FER1L5: variants seen among roughly 807,000 people sequenced by gnomAD.
FER1L5 encodes fer-1-like protein 5.
A neutral mutation model predicts 279.9 loss-of-function variants in FER1L5; 187 were observed. The ratio of observed to expected loss-of-function variants is 0.67; its 90% CI spans 0.59 to 0.75. The LOEUF is 0.75. FER1L5 is among the 30% of genes least tolerant of loss of function. The pLI, the probability that FER1L5 is intolerant of heterozygous loss-of-function variation, is 0.00. For missense variants in FER1L5, 2,091 were observed against 2,594.4 expected (o/e 0.81, Z 4.21); for synonymous variants, 921 against 989.7 (o/e 0.93, Z 1.30).
chr2:96,647,092 C>T lies in FER1L5; in HGVS notation c.167C>T (p.Pro56Leu), dbSNP rs1295240278. 6.4e-7 allele frequency: 1 copy of T among 1,551,648 alleles called. No individual in the cohort carries two copies. Among genetic ancestry groups the T allele is most frequent in the Non-Finnish European group, 8.7e-7 (1 of 1,146,984 alleles). ...CTAATCTGGCACCTCTGGAACCGCCCCCTGGAAAATGACTCCTTCCTGCAA... is the reference window on the plus strand; with the variant it reads ...CTAATCTGGCACCTCTGGAACCGCCTCCTGGAAAATGACTCCTTCCTGCAA... ...ETLIWHLWNR[P>L]LENDSFLQVT... Residue 56 changes from proline to leucine, a missense_variant, in exon 3 of 53, where the codon CCC becomes CTC. Coordinates refer to ENST00000624922, the MANE Select transcript of FER1L5 (RefSeq NM_001293083.2).
chr2:96,693,856 C>A, intron 32 of FER1L5, 55 bp from the exon 33 acceptor site: 1 of 1,494,140 alleles, frequency 6.7e-7, no homozygotes, highest in Non-Finnish European at 8.9e-7. Context: ...GAAGCCCAGA[C>A]AGAGCTGGGC....
intron 9 of FER1L5, among the ~76,000 whole-genome samples, chr2:96,659,343 T>TTCCTTCCTTCCTTCCTTCCC (rs2075765933): frequency 1.1e-5 from 1 of 87,656 alleles, no homozygotes; most frequent in Non-Finnish European, 2.2e-5. Context: ...CCTTCCTTCC[T>TTCCTTCCTTCCTTCCTTCCC]TCCTTCCTTC....
chr2:96,663,312 A>G, intron 13 of FER1L5, 127 bp from the exon 14 acceptor site: 1 of 814,872 alleles, frequency 1.2e-6, no homozygotes, highest in South Asian at 1.5e-5. Context: ...TCTTGAGAGC[A>G]GGGATTAGCC....
intron 9 of FER1L5, among the ~76,000 whole-genome samples, chr2:96,659,723 C>T (rs2075885548): frequency 2.0e-5 from 3 of 151,672 alleles, no homozygotes; most frequent in South Asian, 4.2e-4. Flanking sequence ...GATCTCCTGA[C>T]CTCTTGATCC....
chr2:96,675,752 A>G (rs976652543), intron 19 of FER1L5, among the ~76,000 whole-genome samples: 4 of 152,102 alleles, frequency 2.6e-5, no homozygotes, highest in Non-Finnish European at 5.9e-5. Context: ...TTATGGAGAC[A>G]GGGTCTCACC....
At chr2:96,688,047 G>A (rs1053174227) in intron 24 of FER1L5, 100 bp downstream of exon 24, 71 of 1,463,818 alleles carry the variant, frequency 4.9e-5, no homozygotes, top group Admixed American at 1.2e-4. Flanking sequence ...GGGATTTGGC[G>A]TGAGAAGGGA....
In FER1L5 at chr2:96,694,031, G is replaced by T; in HGVS notation, c.3595G>T (p.Gly1199Cys). The change falls in exon 33 of 53, where the codon GGC becomes TGC. Residue 1199 changes from glycine (G) to cysteine (C), a missense_variant. Transcript: ENST00000624922. This position sits in a 1 kb window ranked among gnomAD's most constrained non-coding sequence, Gnocchi z 4.6. ...TGTAAAGGAGTTGGGGAAGGAAGAGGGCGAGATCTTGGCATCCTGTGAGCT... is the reference window on the plus strand; with the variant it reads ...TGTAAAGGAGTTGGGGAAGGAAGAGTGCGAGATCTTGGCATCCTGTGAGCT... ...PLVKELGKEE[G>C]EILASCELIL... The T allele has an allele frequency of 1.3e-6, 2 of 1,548,514 alleles. No homozygotes were observed. Among genetic ancestry groups the T allele is most frequent in the Non-Finnish European group, 8.7e-7 (1 of 1,146,968 alleles).
In FER1L5 at chr2:96,685,433, G is replaced by T. The variant is rs758579450; in HGVS notation, c.1895+4G>T. 3 of 1,549,242 alleles carry T rather than the reference G, an allele frequency of 1.9e-6. No homozygotes were observed. In the South Asian group the frequency reaches 3.6e-5, roughly 18 times the overall value. ...GGGAGCTGGCAGAGGACTGCAAGTA[G>T]GAGTAGGGGCACTCCGGGATACAGC... On this transcript the variant is annotated splice_donor_region_variant and intron_variant, in intron 21 of 52. Coordinates refer to ENST00000624922, the MANE Select transcript of FER1L5 (RefSeq NM_001293083.2).
chr2:96,658,747 A>G (rs2075701203), intron 9 of FER1L5, among the ~76,000 whole-genome samples: 1 of 151,992 alleles, frequency 6.6e-6, no homozygotes, highest in African/African-American at 2.4e-5. Flanking sequence ...CTGTGATTGT[A>G]ATTTAAACCT....
chr2:96,700,624 C>T (rs2077556991), intron 45 of FER1L5, among the ~76,000 whole-genome samples, 153 bp downstream of exon 45: 1 of 152,170 alleles, frequency 6.6e-6, no homozygotes, highest in Admixed American at 6.5e-5. Flanking sequence ...ATGCTGTGCA[C>T]ATTAATAAGC....
Position 96,691,156 on chromosome 2 carries a change from T to C in FER1L5, c.2744-34T>C. Reference sequence around the variant, plus strand: ...CCAGGCCTCCCAACCTGCGGGCACCTGAGGACTCAGAGGCCATGGTCCACC... The same window carrying C: ...CCAGGCCTCCCAACCTGCGGGCACCCGAGGACTCAGAGGCCATGGTCCACC... On this transcript the variant is annotated intron_variant, in intron 27 of 52. Coordinates refer to ENST00000624922, the MANE Select transcript of FER1L5 (RefSeq NM_001293083.2). This position sits in a 1 kb window ranked among gnomAD's most constrained non-coding sequence, Gnocchi z 6.0. 6.6e-7 allele frequency: 1 copy of C among 1,525,868 alleles called. No individual in the cohort carries two copies. Among genetic ancestry groups the C allele is most frequent in the East Asian group, 2.5e-5 (1 of 40,608 alleles). The allele number at this position is 1,525,868 out of a possible 1,614,324, so 94.5% of individuals were successfully genotyped here. A position where few individuals can be genotyped will look rare whatever the true frequency, so the allele number is the denominator to read the frequency against.
At position 96,704,872 on chromosome 2, in the gene FER1L5, A is replaced by C. The variant is rs2077727448; in HGVS notation, c.*180A>C. On this transcript the variant is annotated 3_prime_UTR_variant, in exon 53 of 53. Coordinates refer to ENST00000624922, the MANE Select transcript of FER1L5 (RefSeq NM_001293083.2). Reference sequence around the variant, plus strand: ...CTGTAATTTTCCACTGAAATAAACAAGTTCTATAACAGAGAGCCATCTTGT... The same window carrying C: ...CTGTAATTTTCCACTGAAATAAACACGTTCTATAACAGAGAGCCATCTTGT... 3.2e-6 allele frequency: 2 copies of C among 615,662 alleles called. No individual in the cohort carries two copies. Among genetic ancestry groups the C allele is most frequent in the South Asian group, 4.0e-5 (2 of 50,042 alleles). 38.1% of individuals were successfully genotyped at this position (615,662 alleles called of 1,614,324 possible). A position where few individuals can be genotyped will look rare whatever the true frequency, so the allele number is the denominator to read the frequency against.
Position 96,698,615 on chromosome 2 carries a change from T to G in FER1L5, c.4357-56T>G. On this transcript the variant is annotated intron_variant, in intron 40 of 52. Transcript: ENST00000624922. The surrounding 1 kb of genome is among the most constrained non-coding windows in gnomAD (Gnocchi z 5.5). ...TGGGCTGGGGCACCTCCCAGAGGGC[T>G]TTACAGAGCTGGCCAGCACTGCCAG... The G allele has an allele frequency of 6.8e-7, 1 of 1,466,066 alleles. No homozygotes were observed. Among genetic ancestry groups the G allele is most frequent in the South Asian group, 1.2e-5 (1 of 80,656 alleles). 90.8% of individuals were successfully genotyped at this position (1,466,066 alleles called of 1,614,324 possible). A position where few individuals can be genotyped will look rare whatever the true frequency, so the allele number is the denominator to read the frequency against.
At chr2:96,681,941 A>G (rs2076745387) in intron 19 of FER1L5, among the ~76,000 whole-genome samples, 2 of 150,610 alleles carry the variant, frequency 1.3e-5, no homozygotes, top group African/African-American at 2.5e-5. Flanking sequence ...GCACACCACC[A>G]CTCCTGGCTA....
rs766404399 is a variant in FER1L5 at position 96,703,646 on chromosome 2, G to A, written c.5801+14G>A. The A allele has an allele frequency of 1.9e-6, 3 of 1,612,178 alleles. No individual in the cohort carries two copies. The highest frequency in any genetic ancestry group is 2.5e-6 in the Non-Finnish European group (3 of 1,178,516). On this transcript the variant is annotated intron_variant, in intron 51 of 52. Coordinates refer to ENST00000624922, the MANE Select transcript of FER1L5 (RefSeq NM_001293083.2). Reference sequence around the variant, plus strand: ...TCATCCTCCCCTGTAAGGGTCCTTGGGGCAAAAGCACCAGATCTTTCTTGC... The same window carrying A: ...TCATCCTCCCCTGTAAGGGTCCTTGAGGCAAAAGCACCAGATCTTTCTTGC...
intron 18 of FER1L5, among the ~76,000 whole-genome samples, chr2:96,672,441 T>C (rs913900582): frequency 6.6e-6 from 1 of 151,976 alleles, no homozygotes; most frequent in Non-Finnish European, 1.5e-5. Context: ...GGGGTTCAGA[T>C]GGGAGAAGGA....
intron 19 of FER1L5, among the ~76,000 whole-genome samples, chr2:96,680,069 T>G (rs2106630362): frequency 6.6e-6 from 1 of 152,276 alleles, no homozygotes. Flanking sequence ...CGCAGGTGGC[T>G]GCTGCTGCTG....
chr2:96,664,510 C>T (rs1188220406), intron 14 of FER1L5, among the ~76,000 whole-genome samples: 1 of 152,210 alleles, frequency 6.6e-6, no homozygotes, highest in Non-Finnish European at 1.5e-5. Context: ...CATGCCATTG[C>T]TGTGTATCAG....
At chr2:96,704,086 G>A in intron 51 of FER1L5, 129 bp from the exon 52 acceptor site, 3 of 1,153,594 alleles carry the variant, frequency 2.6e-6, no homozygotes, top group African/African-American at 1.6e-5. Flanking sequence ...AAAATGCTGG[G>A]ATTACAGGCG....
Sources: allele counts gnomAD v4.1 joint callset (sites outside exome capture counted in the v4.1 genomes callset), GRCh38; gene constraint gnomAD v4.1.1; non-coding constraint Gnocchi (gnomAD v3.1); transcripts MANE v1.5; gene names NCBI Gene and HGNC (gene_info 2026-07-23, HGNC 2026-07-21).